Variants in OPHN1 observed in about 807,000 individuals in gnomAD.
The protein encoded by OPHN1 is oligophrenin-1.
A neutral mutation model predicts 60.7 loss-of-function variants in OPHN1; 11 were observed. The ratio of observed to expected loss-of-function variants is 0.18; its 90% CI spans 0.11 to 0.30. The LOEUF is 0.30. OPHN1 is among the 10% of genes least tolerant of loss of function. OPHN1 has a pLI of 1.00. For missense variants in OPHN1, 449 were observed against 611.0 expected (o/e 0.73, Z 2.80); for synonymous variants, 226 against 222.6 (o/e 1.02, Z -0.14).
intron 15 of OPHN1, among the ~76,000 whole-genome samples, chrX:68,159,714 A>G (rs2077325679): frequency 8.9e-6 from 1 of 111,785 alleles, no homozygotes; most frequent in Non-Finnish European, 1.9e-5. Context: ...AAAATTTAAC[A>G]TCTGAAAGAA....
chrX:68,045,117 A>G lies in OPHN1; in HGVS notation c.*2055T>C, dbSNP rs1187163964. ...AATCACTTCCTAGGTGAGGTCAGTA[A>G]GGCCTCACAGAGACTACTATTGGGG... On this transcript the variant is annotated 3_prime_UTR_variant, in exon 25 of 25. Coordinates refer to ENST00000355520, the MANE Select transcript of OPHN1 (RefSeq NM_002547.3). 2 of 111,207 alleles carry G rather than the reference A, an allele frequency of 1.8e-5. No homozygotes were observed. Among genetic ancestry groups the G allele is most frequent in the Non-Finnish European group, 3.8e-5 (2 of 53,027 alleles). The allele number at this position is 111,207 out of a possible 1,213,427, so 9.2% of individuals were successfully genotyped here. A position where few individuals can be genotyped will look rare whatever the true frequency, so the allele number is the denominator to read the frequency against.
intron 5 of OPHN1, among the ~76,000 whole-genome samples, chrX:68,265,082 C>T (rs2077916452): frequency 8.9e-6 from 1 of 112,650 alleles, no homozygotes; most frequent in Non-Finnish European, 1.9e-5. Context: ...CTGCCTGCCT[C>T]TGTAGACTCC....
At chrX:68,222,111 G>T (rs1479499724) in intron 6 of OPHN1, among the ~76,000 whole-genome samples, 2 of 108,134 alleles carry the variant, frequency 1.8e-5, no homozygotes, top group Non-Finnish European at 3.8e-5. Context: ...ATCAAAAAGT[G>T]GGCGAAGGAC....
intron 19 of OPHN1, among the ~76,000 whole-genome samples, chrX:68,077,402 T>TA (rs1016758541): frequency 3.6e-5 from 4 of 110,792 alleles, no homozygotes; most frequent in Admixed American, 9.6e-5. Context: ...CCATGTACCA[T>TA]AAAAAAAATA....
At chrX:68,157,636 T>C (rs968416054) in intron 15 of OPHN1, among the ~76,000 whole-genome samples, 1 of 111,494 alleles carries the variant, frequency 9.0e-6, no homozygotes, top group Non-Finnish European at 1.9e-5. Context: ...CTATGCTCAC[T>C]ACCTGGGTGT....
At chrX:68,070,615 C>T in intron 20 of OPHN1, 1 of 699,514 alleles carries the variant, frequency 1.4e-6, no homozygotes, top group Non-Finnish European at 2.3e-6. Context: ...CTGATTTTAT[C>T]CTCTGTGTTC....
In OPHN1 at chrX:68,226,842, C is replaced by T. The variant is rs768331604; in HGVS notation, c.486+7645G>A. Among the ~76,000 whole-genome samples the T allele has an allele frequency of 2.7e-5, 3 of 111,509 alleles. No individual in the cohort carries two copies. In the East Asian group the frequency reaches 8.5e-4, roughly 31 times the overall value. ...ATCAACTAACGAGCAAAATAACCAG[C>T]GAACATCATAATCACAGGATCAAAT... On this transcript the variant is annotated intron_variant, in intron 6 of 24. Coordinates refer to ENST00000355520, the MANE Select transcript of OPHN1 (RefSeq NM_002547.3).
At chrX:68,421,664 A>G (rs1426578299) in intron 2 of OPHN1, among the ~76,000 whole-genome samples, 1 of 111,528 alleles carries the variant, frequency 9.0e-6, no homozygotes, top group Non-Finnish European at 1.9e-5. Flanking sequence ...CTGGCTCTGG[A>G]AAGAGTTGGA....
rs1161981599 is a variant in OPHN1 at position 68,193,915 on chromosome X, C to T, written c.1176G>A (p.Lys392=). Reference sequence around the variant, plus strand: ...CTTTGGTCTCAATAATATTGATGCACTTCCTGACAAACTTGAAGCCCACTT... The same window carrying T: ...CTTTGGTCTCAATAATATTGATGCATTTCCTGACAAACTTGAAGCCCACTT... ...LNEVGFKFVR[K]CINIIETKGI... is the part of the protein sequence containing the mutation. The change falls in exon 14 of 25, where the codon AAG becomes AAA. Residue 392 remains lysine (K), a synonymous_variant. Transcript: ENST00000355520. 1 of 1,207,328 alleles carries T rather than the reference C, an allele frequency of 8.3e-7. No homozygotes were observed. The highest frequency in any genetic ancestry group is 1.1e-6 in the Non-Finnish European group (1 of 893,115).
intron 22 of OPHN1, 126 bp from the exon 23 acceptor site, chrX:68,052,716 G>A (rs1047093868): frequency 4.5e-5 from 27 of 597,579 alleles, no homozygotes; most frequent in Non-Finnish European, 6.9e-5. Context: ...GCCTTTGCTG[G>A]CAAAGGCCCT....
intron 15 of OPHN1, among the ~76,000 whole-genome samples, chrX:68,167,598 T>C (rs1261542422): frequency 1.8e-5 from 2 of 110,661 alleles, no homozygotes; most frequent in Non-Finnish European, 3.8e-5. Flanking sequence ...CATATACACA[T>C]GTATACATAT....
chrX:68,264,612 A>G (rs1397974937), intron 5 of OPHN1, among the ~76,000 whole-genome samples: 2 of 111,932 alleles, frequency 1.8e-5, no homozygotes, highest in African/African-American at 6.5e-5. Flanking sequence ...GACGTAGAAG[A>G]TGGGTGATTT....
chrX:68,280,314 T>C (rs968908356), intron 4 of OPHN1, among the ~76,000 whole-genome samples: 1 of 111,849 alleles, frequency 8.9e-6, no homozygotes, highest in African/African-American at 3.3e-5. Context: ...TGGAGCACTT[T>C]AAACAACCAT....
chrX:68,049,980 C>T (rs185366802), intron 23 of OPHN1, among the ~76,000 whole-genome samples: 175 of 112,135 alleles, frequency 1.6e-3, no homozygotes, highest in Non-Finnish European at 2.1e-3. Context: ...GTCATTCAAA[C>T]GCTAGGCCGT....
At chrX:68,371,717 T>G (rs751431414) in intron 2 of OPHN1, among the ~76,000 whole-genome samples, 1 of 111,891 alleles carries the variant, frequency 8.9e-6, no homozygotes, top group African/African-American at 3.2e-5. Context: ...GACGTATTTC[T>G]CAGAATGTAT....
chrX:68,172,966 A>G (rs759249416), intron 15 of OPHN1, among the ~76,000 whole-genome samples: 2 of 110,841 alleles, frequency 1.8e-5, no homozygotes, highest in Admixed American at 1.9e-4. Flanking sequence ...CCTCCTGATG[A>G]CCACCTCCCT....
At chrX:68,322,059 C>G (rs997409162) in intron 2 of OPHN1, among the ~76,000 whole-genome samples, 2 of 111,459 alleles carry the variant, frequency 1.8e-5, no homozygotes, top group Non-Finnish European at 3.8e-5. Context: ...GCAGCCTCAA[C>G]TACCTGGCTC....
chrX:68,359,074 T>A (rs1205424329), intron 2 of OPHN1, among the ~76,000 whole-genome samples: 1 of 112,178 alleles, frequency 8.9e-6, no homozygotes, highest in East Asian at 2.8e-4. Context: ...CCAAGGTTTT[T>A]GTTTTTACTT....
intron 2 of OPHN1, among the ~76,000 whole-genome samples, chrX:68,307,288 A>AT (rs1555969327): frequency 1.9e-5 from 2 of 105,643 alleles, no homozygotes; most frequent in African/African-American, 3.6e-5. Context: ...ACCAAAAAAA[A>AT]AATAATAATA....
Sources: allele counts gnomAD v4.1 joint callset (sites outside exome capture counted in the v4.1 genomes callset), GRCh38; gene constraint gnomAD v4.1.1; transcripts MANE v1.5; gene names NCBI Gene and HGNC (gene_info 2026-07-23, HGNC 2026-07-21).